Variants in LEKR1 observed in about 807,000 individuals in gnomAD.
LEKR1 encodes leucine, glutamate and lysine rich 1.
Under a neutral mutation model 72.4 loss-of-function variants are expected in LEKR1, and 59 were observed. The observed-to-expected ratio is 0.82, with a 90% CI of 0.66 to 1.01. The LOEUF (loss-of-function observed/expected upper bound fraction) is 1.01, where lower values mean the gene tolerates loss of function less well. Among genes scored for constraint, LEKR1 ranks in the 50% least tolerant of loss-of-function variants. LEKR1 has a pLI of 0.00. For missense variants in LEKR1, 728 were observed against 759.2 expected (o/e 0.96, Z 0.48); for synonymous variants, 257 against 263.2 (o/e 0.98, Z 0.23).
At chr3:156,938,033 G>T (rs1725874681) in intron 5 of LEKR1, among the ~76,000 whole-genome samples, 1 of 152,108 alleles carries the variant, frequency 6.6e-6, no homozygotes, top group South Asian at 2.1e-4. Context: ...GGTAGGTTTG[G>T]CTATAAAGGG....
chr3:156,989,809 C>T (rs1204942355), intron 7 of LEKR1, among the ~76,000 whole-genome samples: 2 of 151,968 alleles, frequency 1.3e-5, no homozygotes, highest in African/African-American at 2.4e-5. Flanking sequence ...TCCTCCCTCT[C>T]CCTCTCTCTC....
chr3:156,852,547 A>G (rs956130610), intron 2 of LEKR1, among the ~76,000 whole-genome samples: 2 of 152,168 alleles, frequency 1.3e-5, no homozygotes, highest in Non-Finnish European at 2.9e-5. Flanking sequence ...ATGGAGAAAC[A>G]ATTGCTCTGA....
At chr3:156,856,610 C>A (rs952283868) in intron 3 of LEKR1, among the ~76,000 whole-genome samples, 1 of 152,070 alleles carries the variant, frequency 6.6e-6, no homozygotes, top group Non-Finnish European at 1.5e-5. Context: ...TTCAGATGTT[C>A]TTTAAATCCT....
intron 6 of LEKR1, among the ~76,000 whole-genome samples, chr3:156,961,057 A>G (rs1295980331): frequency 6.6e-6 from 1 of 152,242 alleles, no homozygotes; most frequent in Middle Eastern, 3.2e-3. Flanking sequence ...ATATTGGAAG[A>G]CAGAGTTCAA....
chr3:156,933,354 A>T (rs1385181686), intron 5 of LEKR1, among the ~76,000 whole-genome samples: 2 of 152,126 alleles, frequency 1.3e-5, no homozygotes, highest in Admixed American at 6.6e-5. Flanking sequence ...ATAGTAGAGT[A>T]TATTCAACAT....
chr3:156,849,436 G>A (rs1224438864), intron 2 of LEKR1, among the ~76,000 whole-genome samples: 1 of 152,100 alleles, frequency 6.6e-6, no homozygotes, highest in Non-Finnish European at 1.5e-5. Flanking sequence ...CCAAAAAAGA[G>A]CCCACATTGC....
intron 6 of LEKR1, among the ~76,000 whole-genome samples, chr3:156,971,184 C>T (rs1014435040): frequency 3.9e-5 from 6 of 152,024 alleles, no homozygotes; most frequent in East Asian, 1.9e-4. Flanking sequence ...GAAATAACGC[C>T]GCATGTCTAC....
At chr3:156,988,385 T>C (rs1730877923) in intron 7 of LEKR1, 2 of 227,330 alleles carry the variant, frequency 8.8e-6, no homozygotes, top group Non-Finnish European at 1.9e-5. Context: ...GAGCTGATGA[T>C]GTGCGAGGGG....
At chr3:156,909,844 T>C (rs1364450708) in intron 3 of LEKR1, among the ~76,000 whole-genome samples, 2 of 152,116 alleles carry the variant, frequency 1.3e-5, no homozygotes, top group African/African-American at 2.4e-5. Context: ...CATTGGGCTT[T>C]TTATAAAGAT....
At chr3:156,848,898 A>AT (rs1231392898) in intron 2 of LEKR1, among the ~76,000 whole-genome samples, 1 of 152,108 alleles carries the variant, frequency 6.6e-6, no homozygotes, top group Non-Finnish European at 1.5e-5. Context: ...TATTTTATTC[A>AT]TTTTTTATTA....
At chr3:156,857,910 GT>G (rs2108540553) in intron 3 of LEKR1, among the ~76,000 whole-genome samples, 1 of 152,298 alleles carries the variant, frequency 6.6e-6, no homozygotes, top group East Asian at 1.9e-4. Context: ...TTTGGCTTTG[GT>G]GTGCACCAGA....
intron 6 of LEKR1, among the ~76,000 whole-genome samples, chr3:156,969,556 C>T (rs1452030674): frequency 6.6e-6 from 1 of 152,182 alleles, no homozygotes; most frequent in Non-Finnish European, 1.5e-5. Context: ...CATACACCCT[C>T]CCAAGACTAA....
intron 3 of LEKR1, among the ~76,000 whole-genome samples, chr3:156,884,780 A>G (rs1719872810): frequency 1.3e-5 from 2 of 152,138 alleles, no homozygotes; most frequent in South Asian, 2.1e-4. Context: ...TTTGGGATGA[A>G]TTTCCCAGGT....
chr3:156,889,903 T>G (rs1720486529), intron 3 of LEKR1, among the ~76,000 whole-genome samples: 1 of 152,212 alleles, frequency 6.6e-6, no homozygotes, highest in East Asian at 1.9e-4. Context: ...TCCAACTACA[T>G]AACGTATTAG....
At chr3:156,962,432 A>C (rs1460798949) in intron 6 of LEKR1, among the ~76,000 whole-genome samples, 1 of 152,244 alleles carries the variant, frequency 6.6e-6, no homozygotes, top group African/African-American at 2.4e-5. Flanking sequence ...GTCCAAAAGT[A>C]GATGGACAAA....
intron 3 of LEKR1, among the ~76,000 whole-genome samples, chr3:156,897,668 C>T (rs753594506): frequency 3.3e-5 from 5 of 151,972 alleles, no homozygotes; most frequent in East Asian, 3.9e-4. Flanking sequence ...TTGTAGAAAC[C>T]GGGGCCTGGT....
At chr3:156,927,956 A>G (rs549243427) in intron 5 of LEKR1, among the ~76,000 whole-genome samples, 1 of 152,112 alleles carries the variant, frequency 6.6e-6, no homozygotes, top group African/African-American at 2.4e-5. Context: ...ATAGCTACCT[A>G]AAGACAATAA....
At chr3:156,895,440 C>T (rs1446516211) in intron 3 of LEKR1, among the ~76,000 whole-genome samples, 1 of 151,990 alleles carries the variant, frequency 6.6e-6, no homozygotes, top group Admixed American at 6.5e-5. Flanking sequence ...ATGGCAGAAA[C>T]CCCATCTCTA....
At chr3:157,022,502 T>A (rs1390667293) in intron 10 of LEKR1, among the ~76,000 whole-genome samples, 1 of 151,918 alleles carries the variant, frequency 6.6e-6, no homozygotes, top group East Asian at 1.9e-4. Context: ...GAATAGGATT[T>A]TGTGTTGGAT....
Sources: gnomAD v4.1 joint callset for allele counts (sites outside exome capture counted in the v4.1 genomes callset) on GRCh38, gnomAD v4.1.1 for gene constraint, MANE v1.5 for transcripts, NCBI Gene and HGNC (gene_info 2026-07-23, HGNC 2026-07-21) for gene names.